Variants in SRP14 observed in about 807,000 individuals in gnomAD.
The protein encoded by SRP14 is signal recognition particle 14.
In SRP14, 1 loss-of-function variant was observed where a neutral mutation model predicts 16.0. The ratio of observed to expected loss-of-function variants is 0.06; its 90% CI spans 0.02 to 0.30. SRP14 has a LOEUF of 0.30. Ranked by LOEUF, SRP14 falls within the 10% of genes least tolerant of loss-of-function variation. SRP14 has a pLI of 1.00. For synonymous variants in SRP14, 67 were observed against 60.1 expected (o/e 1.12, Z -0.53); for missense variants, 120 against 163.1 (o/e 0.74, Z 1.44).
rs572844512 is a variant in SRP14, at chr15:40,037,529, G to C, written c.211-511C>G. ...TTCTACCTCTGAAGAACACTCCTTAGGTTTTTGTTATTTCATGATATCTAA... is the reference window on the plus strand; with the variant it reads ...TTCTACCTCTGAAGAACACTCCTTACGTTTTTGTTATTTCATGATATCTAA... On this transcript the variant is annotated intron_variant, in intron 3 of 4. Coordinates refer to ENST00000267884, the MANE Select transcript of SRP14 (RefSeq NM_003134.6). Among the ~76,000 whole-genome samples the C allele has an allele frequency of 9.2e-5, 14 of 152,054 alleles. No homozygotes were observed. In the South Asian group the frequency reaches 2.9e-3, roughly 32 times the overall value.
chr15:40,038,179 G>A, intron 3 of SRP14, 103 bp downstream of exon 3: 1 of 922,628 alleles, frequency 1.1e-6, no homozygotes, highest in Non-Finnish European at 1.7e-6. Flanking sequence ...AGCCACACAG[G>A]GCAAAAGGGA....
At chr15:40,036,857 T>C (rs751623322) in intron 4 of SRP14, 129 bp downstream of exon 4, 15 of 1,086,964 alleles carry the variant, frequency 1.4e-5, no homozygotes, top group Non-Finnish European at 2.1e-5. Context: ...CTGGCAGCTT[T>C]TACTTGAAAC....
chr15:40,037,438 ATT>A, intron 3 of SRP14: 1 of 947,802 alleles, frequency 1.1e-6, no homozygotes, highest in Non-Finnish European at 1.4e-6. Flanking sequence ...TCCCCATCTT[ATT>A]TTTAAACCTG....
Position 40,038,464 on chromosome 15 carries a change from CAG to C in SRP14, c.98-72_98-71del. 7 of 1,084,282 alleles carry C rather than the reference CAG, an allele frequency of 6.5e-6. No homozygotes were observed. In the South Asian group the frequency reaches 8.8e-5, roughly 14 times the overall value. 67.2% of individuals were successfully genotyped at this position (1,084,282 alleles called of 1,614,324 possible). A position where few individuals can be genotyped will look rare whatever the true frequency, so the allele number is the denominator to read the frequency against. Reference sequence around the variant, plus strand: ...CTGAGCGGCAGACAAACAGTTAAAACAGAGGAGTGGGGTAAGTGATGACCTAA... The same window carrying C: ...CTGAGCGGCAGACAAACAGTTAAAACAGGAGTGGGGTAAGTGATGACCTAA... On this transcript the variant is annotated intron_variant, in intron 2 of 4. Coordinates refer to ENST00000267884, the MANE Select transcript of SRP14 (RefSeq NM_003134.6).
intron 3 of SRP14, 94 bp downstream of exon 3, chr15:40,038,188 G>C (rs951498004): frequency 5.7e-6 from 6 of 1,045,888 alleles, no homozygotes; most frequent in Non-Finnish European, 8.7e-6. Context: ...GGGCAAAAGG[G>C]AAAAACAAAT....
rs3215044 is a variant in SRP14 at position 40,037,279 on chromosome 15, G to GAAAA, written c.211-265_211-262dup. 2.7e-3 allele frequency: 1,994 copies of GAAAA among 748,308 alleles called. 18 individuals carry two copies. The highest frequency in any genetic ancestry group is 0.017 in the East Asian group (191 of 11,182). The allele number at this position is 748,308 out of a possible 1,614,324, so 46.4% of individuals were successfully genotyped here. The stretch of plus-strand genomic sequence containing the variant: ...TGAAAGGCAGTAGGCTCCTTTTGGG[G>GAAAA]AAAAAAAAAAAAAAAGCTTTGTTTC... On this transcript the variant is annotated intron_variant, in intron 3 of 4. Coordinates refer to ENST00000267884, the MANE Select transcript of SRP14 (RefSeq NM_003134.6).
rs1027955897 is a variant in SRP14, at chr15:40,039,153, C to T, written c.-37G>A. 15 of 1,601,256 alleles carry T rather than the reference C, an allele frequency of 9.4e-6. No individual in the cohort carries two copies. The Admixed American group carries it at 1.9e-4, about 20-fold the overall frequency. ...TGGCTCGACTCCCTCCGCTTAAGCC[C>T]CTAGCAGTGAGAGCCGGAAGTTCGG... is the stretch of plus-strand genomic sequence containing the variant. On this transcript the variant is annotated 5_prime_UTR_variant, in exon 1 of 5. Coordinates refer to ENST00000267884, the MANE Select transcript of SRP14 (RefSeq NM_003134.6).
At position 40,038,687 on chromosome 15, in the gene SRP14, T is replaced by G. The variant is rs2035669897; in HGVS notation, c.97+189A>C. ...GGGCCCATTGTTACCAGAAGCAACC[T>G]AGGCGGCTCAGTGCTGGGGACTGAG... On this transcript the variant is annotated intron_variant, in intron 2 of 4. Coordinates refer to ENST00000267884, the MANE Select transcript of SRP14 (RefSeq NM_003134.6). The G allele has an allele frequency of 9.2e-6, 6 of 649,982 alleles. No homozygotes were observed. The Admixed American group carries it at 1.2e-4, about 13-fold the overall frequency. The allele number at this position is 649,982 out of a possible 1,614,324, so 40.3% of individuals were successfully genotyped here. A position where few individuals can be genotyped will look rare whatever the true frequency, so the allele number is the denominator to read the frequency against.
rs2035661888 is a variant in SRP14 at position 40,038,301 on chromosome 15, T to C, written c.191A>G (p.Lys64Arg). The change falls in exon 3 of 5, where the codon AAG becomes AGG. Residue 64 changes from lysine to arginine, a missense_variant. By Grantham distance (26) the Lys-to-Arg change is conservative. This residue lies in a region of SRP14 where 44 missense variants were observed against 93.1 expected (regional missense o/e 0.47). Transcript: ENST00000267884. ...GCTCACCACAGTGCTGATCTTCTTC[T>C]TCCCATCGGTAGCTCTTAACAGACA... ...NKCLLRATDGKKKISTVVSSK... is the reference protein window; with the variant it reads ...NKCLLRATDGRKKISTVVSSK... 3 of 1,613,444 alleles carry C rather than the reference T, an allele frequency of 1.9e-6. No individual in the cohort carries two copies. The highest frequency in any genetic ancestry group is 2.5e-6 in the Non-Finnish European group (3 of 1,179,442).
At chr15:40,038,431 G>GT in intron 2 of SRP14, 37 bp from the exon 3 acceptor site, 1 of 1,384,026 alleles carries the variant, frequency 7.2e-7, no homozygotes, top group Non-Finnish European at 1.0e-6. Flanking sequence ...ACACGGCCGC[G>GT]TACGTGGCTG....
chr15:40,037,952 AC>A, intron 3 of SRP14, among the ~76,000 whole-genome samples: 2 of 152,344 alleles, frequency 1.3e-5, no homozygotes, highest in Non-Finnish European at 2.9e-5. Flanking sequence ...ATCACCTGGT[AC>A]CAAGAAACTG....
intron 2 of SRP14, 81 bp from the exon 3 acceptor site, chr15:40,038,475 G>A (rs1364034508): frequency 2.1e-6 from 2 of 967,746 alleles, no homozygotes; most frequent in Admixed American, 1.8e-5. Context: ...AGAGGAGTGG[G>A]GTAAGTGATG....
chr15:40,038,747 G>T, intron 2 of SRP14, 129 bp downstream of exon 2: 1 of 985,154 alleles, frequency 1.0e-6, no homozygotes, highest in Non-Finnish European at 1.5e-6. Flanking sequence ...CGGGCCCGAA[G>T]CCCCGAATGT....
At chr15:40,039,058 G>GC in intron 1 of SRP14, 35 bp downstream of exon 1, 1 of 1,606,360 alleles carries the variant, frequency 6.2e-7, no homozygotes, top group Non-Finnish European at 8.5e-7. Flanking sequence ...CGCCTGAGCC[G>GC]CCCCCTTCCC....
At position 40,039,144 on chromosome 15, in the gene SRP14, G is replaced by T; in HGVS notation, c.-28C>A. ...CGGCGACGCTGGCTCGACTCCCTCC[G>T]CTTAAGCCCCTAGCAGTGAGAGCCG... On this transcript the variant is annotated 5_prime_UTR_variant, in exon 1 of 5. Transcript: ENST00000267884. 6.2e-7 allele frequency: 1 copy of T among 1,605,404 alleles called. No homozygotes were observed. The highest frequency in any genetic ancestry group is 8.5e-7 in the Non-Finnish European group (1 of 1,177,438).
rs1251757239 is a variant in SRP14, at chr15:40,035,697, A to G, written c.*636T>C. On this transcript the variant is annotated 3_prime_UTR_variant, in exon 5 of 5. Transcript: ENST00000267884. ...CTTGGCTGTAATGACTAAGCACATG[A>G]AAATATCCAAACCAAAGGGCATAAA... 1.3e-5 allele frequency: 2 copies of G among 152,430 alleles called. No homozygotes were observed. Among genetic ancestry groups the G allele is most frequent in the Middle Eastern group, 3.4e-3 (1 of 294 alleles). The allele number at this position is 152,430 out of a possible 1,614,324, so 9.4% of individuals were successfully genotyped here. A position where few individuals can be genotyped will look rare whatever the true frequency, so the allele number is the denominator to read the frequency against.
In SRP14 at chr15:40,036,519, C is replaced by T. The variant is rs370885733; in HGVS notation, c.244-19G>A. ...AATAAGCCTGAAAGATACAACAGAG[C>T]ATACCTTAGTGGGAAGATGTGCAAA... On this transcript the variant is annotated intron_variant, in intron 4 of 4. Transcript: ENST00000267884. The T allele has an allele frequency of 8.7e-6, 14 of 1,607,866 alleles. No homozygotes were observed. Among genetic ancestry groups the T allele is most frequent in the Non-Finnish European group, 1.1e-5 (13 of 1,175,044 alleles).
intron 3 of SRP14, chr15:40,037,294 A>G (rs1245007578): frequency 1.5e-6 from 2 of 1,352,666 alleles, no homozygotes; most frequent in East Asian, 3.5e-5. Context: ...AAAAAAAAAA[A>G]GCTTTGTTTC....
Position 40,036,362 on chromosome 15 carries a change from CTGCTGTTGTTGG to C in SRP14, c.370_381del (p.Pro124_Ala127del), listed in dbSNP as rs749130159. 5,444 of 1,613,534 alleles carry C rather than the reference CTGCTGTTGTTGG, an allele frequency of 3.4e-3. 27 individuals are homozygous for C. The Middle Eastern group carries it at 0.034, about 10-fold the overall frequency. On this transcript the variant is annotated inframe_deletion, in exon 5 of 5. Coordinates refer to ENST00000267884, the MANE Select transcript of SRP14 (RefSeq NM_003134.6). ...TGTGCTGCTGTTGCTGCTGTTGTTG[CTGCTGTTGTTGG>C]TGCTGTTGCTGCTGCGGCAGGTGCT...
Sources: gnomAD v4.1 joint callset for allele counts (sites outside exome capture counted in the v4.1 genomes callset) on GRCh38, gnomAD v4.1.1 for gene constraint, gnomAD v4.1.1 regional missense constraint, MANE v1.5 for transcripts, NCBI Gene and HGNC (gene_info 2026-07-23, HGNC 2026-07-21) for gene names.